AP2A1: variants seen among roughly 807,000 people sequenced by gnomAD.
AP2A1 encodes the protein adaptor related protein complex 2 subunit alpha 1, also known as AP-2 complex subunit alpha-1.
A neutral mutation model predicts 107.3 loss-of-function variants in AP2A1; 21 were observed. The observed-to-expected ratio is 0.20, with a 90% CI of 0.14 to 0.28. The LOEUF (loss-of-function observed/expected upper bound fraction) is 0.28, where lower values mean the gene tolerates loss of function less well. Among genes scored for constraint, AP2A1 ranks in the 10% least tolerant of loss-of-function variants. The pLI is 1.00. For synonymous variants in AP2A1, 602 were observed against 564.8 expected, an observed-to-expected ratio of 1.07 and a Z score of -0.93; for missense variants, 873 against 1,307.7, an observed-to-expected ratio of 0.67 and a Z score of 5.13.
Position 49,806,804 on chromosome 19 carries a change from C to T in AP2A1, c.*46C>T. 1 of 1,611,764 alleles carries T rather than the reference C, an allele frequency of 6.2e-7. No homozygotes were observed. Among genetic ancestry groups the T allele is most frequent in the East Asian group, 2.2e-5 (1 of 44,768 alleles). On this transcript the variant is annotated 3_prime_UTR_variant, in exon 23 of 23. Transcript: ENST00000354293. ...GGATGTGGCCGGCACTGGGCAGCCCCTTGGACTGAGGCAGTTTTGGTGGAT... is the reference window on the plus strand; with the variant it reads ...GGATGTGGCCGGCACTGGGCAGCCCTTTGGACTGAGGCAGTTTTGGTGGAT...
Position 49,801,717 on chromosome 19 carries a change from G to A in AP2A1, c.1786-5G>A, listed in dbSNP as rs1337366741. ...AACTGACCTTCCCCACCCCGACCGCGCCAGGCCACGGTGCTGGAGGAGATG... is the reference window on the plus strand; with the variant it reads ...AACTGACCTTCCCCACCCCGACCGCACCAGGCCACGGTGCTGGAGGAGATG... On this transcript the variant is annotated splice_region_variant and splice_polypyrimidine_tract_variant and intron_variant, in intron 13 of 22. Transcript: ENST00000354293. 7 of 1,350,684 alleles carry A rather than the reference G, an allele frequency of 5.2e-6. No homozygotes were observed. The East Asian group carries it at 1.7e-4, about 32-fold the overall frequency. 83.7% of individuals were successfully genotyped at this position (1,350,684 alleles called of 1,614,324 possible). A position where few individuals can be genotyped will look rare whatever the true frequency, so the allele number is the denominator to read the frequency against.
chr19:49,787,352 T>C (rs1262729872), intron 4 of AP2A1, among the ~76,000 whole-genome samples: 1 of 114,194 alleles, frequency 8.8e-6, no homozygotes, highest in East Asian at 2.9e-4. Flanking sequence ...TTTTTGTTTT[T>C]TGTTTTTTTT....
chr19:49,793,811 C>T (rs1265430565), intron 6 of AP2A1, among the ~76,000 whole-genome samples: 1 of 151,682 alleles, frequency 6.6e-6, no homozygotes, highest in African/African-American at 2.4e-5. Context: ...TTAGAATACA[C>T]ATGCGCATCT....
intron 1 of AP2A1, among the ~76,000 whole-genome samples, chr19:49,777,074 C>CG (rs2084624164): frequency 7.7e-6 from 1 of 129,082 alleles, no homozygotes; most frequent in Non-Finnish European, 1.6e-5. Flanking sequence ...ACTAAAAATG[C>CG]GGAAAAAAAA....
intron 4 of AP2A1, among the ~76,000 whole-genome samples, chr19:49,790,854 C>T (rs553090206): frequency 1.3e-5 from 2 of 152,366 alleles, no homozygotes; most frequent in East Asian, 3.9e-4. Flanking sequence ...TGAATCCACC[C>T]AGAGACCTGT....
chr19:49,803,813 T>C (rs1218573472), intron 18 of AP2A1: 1 of 214,396 alleles, frequency 4.7e-6, no homozygotes, highest in African/African-American at 2.3e-5. Context: ...ACCCTCCTCT[T>C]CCTCATAGGG....
At chr19:49,778,005 C>T (rs755018451) in intron 1 of AP2A1, among the ~76,000 whole-genome samples, 3 of 151,120 alleles carry the variant, frequency 2.0e-5, no homozygotes, top group Non-Finnish European at 4.4e-5. Flanking sequence ...TAAAGAAATA[C>T]GTAAATATAA....
chr19:49,783,186 G>A (rs1183823444), intron 4 of AP2A1, among the ~76,000 whole-genome samples: 1 of 152,202 alleles, frequency 6.6e-6, no homozygotes, highest in Non-Finnish European at 1.5e-5. Context: ...GGTGATGGAA[G>A]AATTGCAGGA....
chr19:49,781,732 G>T, intron 1 of AP2A1, 25 bp from the exon 2 acceptor site: 1 of 1,570,730 alleles, frequency 6.4e-7, no homozygotes, highest in East Asian at 2.4e-5. Context: ...ACCCCTCACT[G>T]CCTACCCTCC....
intron 1 of AP2A1, among the ~76,000 whole-genome samples, chr19:49,777,221 C>T (rs764863647): frequency 2.7e-5 from 4 of 150,766 alleles, no homozygotes; most frequent in Non-Finnish European, 4.4e-5. Flanking sequence ...GGTGACAGAG[C>T]GAGACTCTGT....
chr19:49,799,533 C>T (rs1288329613), intron 9 of AP2A1, 38 bp downstream of exon 9: 1 of 1,605,234 alleles, frequency 6.2e-7, no homozygotes, highest in Non-Finnish European at 8.5e-7. Context: ...CCTGCCACCC[C>T]CCTCAGAAAG....
intron 1 of AP2A1, among the ~76,000 whole-genome samples, chr19:49,776,185 C>T (rs2084615685): frequency 6.6e-6 from 1 of 152,004 alleles, no homozygotes; most frequent in Non-Finnish European, 1.5e-5. Flanking sequence ...CTGCTGTGCT[C>T]TTCTCCACCC....
chr19:49,801,376 A>G lies in AP2A1; in HGVS notation c.1554-14A>G, dbSNP rs767087536. 1 of 1,608,514 alleles carries G rather than the reference A, an allele frequency of 6.2e-7. No homozygotes were observed. The highest frequency in any genetic ancestry group is 8.5e-7 in the Non-Finnish European group (1 of 1,176,748). On this transcript the variant is annotated splice_polypyrimidine_tract_variant and intron_variant, in intron 12 of 22. Transcript: ENST00000354293. ...GTGGAACCTGGCCCCGCTGACACCC[A>G]CTCCTGCACACAGCCCCCCAGTGCA...
Position 49,767,148 on chromosome 19 carries a change from C to T in AP2A1, c.15C>T (p.Ser5=). 1.2e-6 allele frequency: 2 copies of T among 1,611,856 alleles called. No homozygotes were observed. Among genetic ancestry groups the T allele is most frequent in the Non-Finnish European group, 1.7e-6 (2 of 1,179,724 alleles). Residue 5 remains serine (S), a synonymous_variant, in exon 1 of 23, where the codon TCC becomes TCT. Coordinates refer to ENST00000354293, the MANE Select transcript of AP2A1 (RefSeq NM_130787.3). MPAV[S]KGDGMRGLAV... ...CCACCGCCATCATGCCGGCCGTGTC[C>T]AAGGGCGATGGGATGCGGGGGCTCG...
chr19:49,803,093 C>G lies in AP2A1; in HGVS notation c.2172-14C>G, dbSNP rs1568588831. On this transcript the variant is annotated splice_polypyrimidine_tract_variant and intron_variant, in intron 16 of 22. Transcript: ENST00000354293. ...ACAGGCACCCCCGTCATCTTGCGCC[C>G]CCTGCCCCCTCAGGTTTGTGTGTAA... is the stretch of plus-strand genomic sequence containing the variant. 6.2e-7 allele frequency: 1 copy of G among 1,613,930 alleles called. No homozygotes were observed. Among genetic ancestry groups the G allele is most frequent in the Non-Finnish European group, 8.5e-7 (1 of 1,179,864 alleles).
Position 49,803,358 on chromosome 19 carries a change from C to G in AP2A1, c.2326C>G (p.Pro776Ala). Residue 776 changes from proline to alanine, a missense_variant, in exon 18 of 23, where the codon CCG (proline) becomes GCG (alanine). Pro to Ala is a conservative substitution (Grantham distance 27). This residue lies in a region of AP2A1 where 416 missense variants were observed against 473.4 expected (regional missense o/e 0.88). Coordinates refer to ENST00000354293, the MANE Select transcript of AP2A1 (RefSeq NM_130787.3). The stretch of plus-strand genomic sequence containing the variant: ...GAATTTCTCACCCACTGTGGTTCAC[C>G]CGGGAGACCTCCAGACTCATATCCT... ...FQNFSPTVVH[P>A]GDLQTQLAVQ... The G allele has an allele frequency of 6.2e-7, 1 of 1,613,850 alleles. No individual in the cohort carries two copies.
At chr19:49,777,127 C>G (rs577231490) in intron 1 of AP2A1, among the ~76,000 whole-genome samples, 11 of 149,946 alleles carry the variant, frequency 7.3e-5, no homozygotes, top group Non-Finnish European at 1.5e-4. Flanking sequence ...CCCAACTGCT[C>G]GGGAGGCTGA....
At position 49,805,618 on chromosome 19, in the gene AP2A1, G is replaced by A. The variant is rs755334294; in HGVS notation, c.2468+42G>A. The A allele has an allele frequency of 1.5e-5, 23 of 1,554,086 alleles. No homozygotes were observed. In the African/African-American group the frequency reaches 1.8e-4, roughly 12 times the overall value. On this transcript the variant is annotated intron_variant, in intron 19 of 22. Coordinates refer to ENST00000354293, the MANE Select transcript of AP2A1 (RefSeq NM_130787.3). ...GCGGCCGGTGGGCGGAGCCTCCGGG[G>A]TGAGGGGCGGGGCCTAATGGAGCCT...
intron 6 of AP2A1, 81 bp downstream of exon 6, chr19:49,793,173 C>G (rs2073168471): frequency 7.8e-7 from 1 of 1,279,596 alleles, no homozygotes; most frequent in Admixed American, 2.0e-5. Context: ...CCCCCACTCT[C>G]CCTGAGAGGC....
Sources: allele counts gnomAD v4.1 joint callset (sites outside exome capture counted in the v4.1 genomes callset), GRCh38; gene constraint gnomAD v4.1.1; regional missense constraint gnomAD v4.1.1; transcripts MANE v1.5; gene names NCBI Gene and HGNC (gene_info 2026-07-23, HGNC 2026-07-21).